Variants in CATSPERB observed in about 807,000 individuals in gnomAD.
CATSPERB encodes catsper channel auxiliary subunit beta, also known as cation channel sperm-associated auxiliary subunit beta.
CATSPERB carries 93 observed loss-of-function variants against 128.3 expected under a neutral mutation model. The observed-to-expected ratio is 0.72, with a 90% confidence interval of 0.61 to 0.86. The LOEUF (loss-of-function observed/expected upper bound fraction) is 0.86, where lower values mean the gene tolerates loss of function less well. Ranked by LOEUF, CATSPERB falls within the 40% of genes least tolerant of loss-of-function variation. The pLI, the probability that CATSPERB is intolerant of heterozygous loss-of-function variation, is 0.00. For synonymous variants in CATSPERB, 381 were observed against 448.8 expected (o/e 0.85, Z 1.91); for missense variants, 1,153 against 1,329.5 (o/e 0.87, Z 2.06).
intron 20 of CATSPERB, among the ~76,000 whole-genome samples, chr14:91,615,884 C>T (rs528668825): frequency 1.2e-3 from 64 of 52,328 alleles, no homozygotes; most frequent in African/African-American, 3.3e-3. Flanking sequence ...ATACAGTTTT[C>T]CTTTTTTTTT....
At chr14:91,616,733 C>CTTTTTTTT (rs1555360386) in intron 20 of CATSPERB, among the ~76,000 whole-genome samples, 10 of 84,502 alleles carry the variant, frequency 1.2e-4, no homozygotes, top group Non-Finnish European at 1.8e-4. Context: ...AAGTATTCCC[C>CTTTTTTTT]TTTTTTTTTT....
intron 7 of CATSPERB, among the ~76,000 whole-genome samples, chr14:91,698,985 T>C (rs2139850155): frequency 6.6e-6 from 1 of 152,342 alleles, no homozygotes; most frequent in Admixed American, 6.5e-5. Context: ...GTTACTTCAC[T>C]TAGAATAATG....
At chr14:91,699,649 C>T (rs1025587156) in intron 7 of CATSPERB, among the ~76,000 whole-genome samples, 9 of 151,414 alleles carry the variant, frequency 5.9e-5, no homozygotes, top group Admixed American at 3.9e-4. Context: ...TCTCGGCTCA[C>T]TGCAACCTCT....
In CATSPERB at chr14:91,696,754, G is replaced by T. The variant is rs1343753294; in HGVS notation, c.617-3275C>A. The stretch of plus-strand genomic sequence containing the variant: ...AGAGAAAGATGAGAATTGCACAACA[G>T]ATGTAAGAGCAAGGTTGTTCAGATG... On this transcript the variant is annotated intron_variant, in intron 7 of 26. Transcript: ENST00000256343. 2.0e-5 allele frequency among the ~76,000 whole-genome samples: 3 copies of T among 152,274 alleles called. No homozygotes were observed. The South Asian group carries it at 6.2e-4, about 32-fold the overall frequency.
At chr14:91,689,318 T>G (rs761111363) in intron 10 of CATSPERB, among the ~76,000 whole-genome samples, 23 of 152,182 alleles carry the variant, frequency 1.5e-4, no homozygotes, top group Non-Finnish European at 2.9e-4. Context: ...CACTTTGTTC[T>G]CAGGTAAACC....
rs1893970017 is a variant in CATSPERB, at chr14:91,617,711, T to C, written c.2286A>G (p.Leu762=). Residue 762 remains leucine, a synonymous_variant, in exon 20 of 27, where the codon CTA becomes CTG. Coordinates refer to ENST00000256343, the MANE Select transcript of CATSPERB (RefSeq NM_024764.4). ...AKGFRMLEIP[L]LTVFVGNPNL... ...TAGGGTTTCCAACAAACACAGTCAG[T>C]AGTGGTATTTCAAGCATTCGAAAAC... 4 of 1,599,700 alleles carry C rather than the reference T, an allele frequency of 2.5e-6. No homozygotes were observed. The highest frequency in any genetic ancestry group is 3.4e-6 in the Non-Finnish European group (4 of 1,175,476).
Position 91,626,723 on chromosome 14 carries a change from C to T in CATSPERB, c.1743-1716G>A, listed in dbSNP as rs532983694. 2.8e-3 allele frequency among the ~76,000 whole-genome samples: 423 copies of T among 152,208 alleles called. 4 individuals are homozygous for T. The highest frequency in any genetic ancestry group is 5.3e-3 in the Admixed American group (81 of 15,292). On this transcript the variant is annotated intron_variant, in intron 17 of 26. Transcript: ENST00000256343. ...GTGGGCCCCCCAGTCTTGGATTTCCCACCCTCCAGAACTGTAAGAAATAAA... is the reference window on the plus strand; with the variant it reads ...GTGGGCCCCCCAGTCTTGGATTTCCTACCCTCCAGAACTGTAAGAAATAAA...
At chr14:91,690,357 C>T (rs1228379678) in intron 10 of CATSPERB, among the ~76,000 whole-genome samples, 1 of 151,966 alleles carries the variant, frequency 6.6e-6, no homozygotes, top group Admixed American at 6.6e-5. Flanking sequence ...TACCTTGTGT[C>T]AGGTGCCATT....
intron 5 of CATSPERB, among the ~76,000 whole-genome samples, chr14:91,710,861 G>A (rs1188533080): frequency 6.6e-6 from 1 of 152,000 alleles, no homozygotes; most frequent in Non-Finnish European, 1.5e-5. Context: ...ATCTTGCTGT[G>A]GTGTGGTTAG....
At chr14:91,611,337 C>T (rs1280684294) in intron 20 of CATSPERB, among the ~76,000 whole-genome samples, 4 of 152,076 alleles carry the variant, frequency 2.6e-5, no homozygotes, top group South Asian at 2.1e-4. Context: ...TGGCTGGGCA[C>T]GGTGGCTCAC....
intron 6 of CATSPERB, among the ~76,000 whole-genome samples, chr14:91,707,766 CTTT>C (rs76649759): frequency 8.6e-5 from 11 of 128,034 alleles, no homozygotes; most frequent in Non-Finnish European, 1.7e-5. Context: ...GCCTGGTTAA[CTTT>C]TTTTTTTTTT....
At chr14:91,620,244 C>T (rs1041365887) in intron 19 of CATSPERB, among the ~76,000 whole-genome samples, 1 of 152,118 alleles carries the variant, frequency 6.6e-6, no homozygotes, top group Non-Finnish European at 1.5e-5. Flanking sequence ...ATTCTCTCTT[C>T]ATGATTTGAT....
intron 10 of CATSPERB, among the ~76,000 whole-genome samples, chr14:91,684,194 G>A (rs79323213): frequency 0.027 from 4,077 of 152,262 alleles, 102 homozygotes; most frequent in Middle Eastern, 0.065. Context: ...AATGGAGGAT[G>A]CCCTTGTCTA....
intron 20 of CATSPERB, among the ~76,000 whole-genome samples, chr14:91,614,780 A>G (rs1254399302): frequency 6.6e-6 from 1 of 152,226 alleles, no homozygotes; most frequent in Non-Finnish European, 1.5e-5. Context: ...TGGGCATCAG[A>G]GAGAGACCCT....
intron 24 of CATSPERB, 80 bp downstream of exon 24, chr14:91,589,454 T>C (rs1018208692): frequency 1.4e-6 from 2 of 1,407,990 alleles, no homozygotes; most frequent in African/African-American, 2.9e-5. Flanking sequence ...GTGAACAGGC[T>C]TTGAAAACCA....
intron 17 of CATSPERB, chr14:91,635,791 A>G (rs568709177): frequency 2.0e-5 from 3 of 152,252 alleles, no homozygotes; most frequent in African/African-American, 7.2e-5. Context: ...CCTCCACTAC[A>G]TTAAATGTGT....
intron 1 of CATSPERB, 53 bp downstream of exon 1, chr14:91,731,877 A>G (rs942013911): frequency 1.3e-4 from 20 of 152,362 alleles, no homozygotes; most frequent in Non-Finnish European, 1.9e-4. Flanking sequence ...TGATCACATT[A>G]TAAATTCATA....
intron 7 of CATSPERB, among the ~76,000 whole-genome samples, chr14:91,698,134 G>T (rs1485633538): frequency 6.6e-6 from 1 of 151,924 alleles, no homozygotes; most frequent in Non-Finnish European, 1.5e-5. Context: ...TGTGTGGTGG[G>T]GGGTATTGTA....
intron 18 of CATSPERB, among the ~76,000 whole-genome samples, chr14:91,623,149 C>T (rs1230135747): frequency 6.6e-6 from 1 of 152,194 alleles, no homozygotes; most frequent in Non-Finnish European, 1.5e-5. Flanking sequence ...CCTGCCTCAG[C>T]CTCCCAAAGT....
Sources: allele counts gnomAD v4.1 joint callset (sites outside exome capture counted in the v4.1 genomes callset), GRCh38; gene constraint gnomAD v4.1.1; transcripts MANE v1.5; gene names NCBI Gene and HGNC (gene_info 2026-07-23, HGNC 2026-07-21).